STXBP4: variants seen among roughly 807,000 people sequenced by gnomAD.
The protein encoded by STXBP4 is syntaxin binding protein 4.
Under a neutral mutation model 76.1 loss-of-function variants are expected in STXBP4, and 55 were observed. The ratio of observed to expected loss-of-function variants is 0.72; its 90% confidence interval spans 0.58 to 0.91. The LOEUF (loss-of-function observed/expected upper bound fraction) is 0.91, where lower values mean the gene tolerates loss of function less well. STXBP4 is among the 40% of genes least tolerant of loss of function. The probability of loss-of-function intolerance (pLI) is 0.00; values close to 1 mark genes in which losing one functional copy is unlikely to be tolerated. For synonymous variants in STXBP4, 201 were observed against 220.2 expected, an observed-to-expected ratio of 0.91 and a Z score of 0.77; for missense variants, 618 against 636.9, an observed-to-expected ratio of 0.97 and a Z score of 0.32.
chr17:55,088,979 T>C (rs1449125887), intron 16 of STXBP4, among the ~76,000 whole-genome samples: 3 of 152,160 alleles, frequency 2.0e-5, no homozygotes, highest in African/African-American at 4.8e-5. Flanking sequence ...TAAACAATGC[T>C]CCACAGAATC....
intron 1 of STXBP4, among the ~76,000 whole-genome samples, chr17:54,980,008 C>T (rs1207343277): frequency 6.7e-6 from 1 of 148,722 alleles, no homozygotes; most frequent in Non-Finnish European, 1.5e-5. Context: ...AAATCATCTA[C>T]TTATTTGTTT....
At chr17:55,142,122 A>G (rs1274584725) in intron 17 of STXBP4, among the ~76,000 whole-genome samples, 1 of 152,230 alleles carries the variant, frequency 6.6e-6, no homozygotes, top group Admixed American at 6.5e-5. Flanking sequence ...TACTATCTGC[A>G]CTAGACTGTC....
intron 16 of STXBP4, among the ~76,000 whole-genome samples, chr17:55,112,928 C>G (rs1478768652): frequency 6.6e-6 from 1 of 151,926 alleles, no homozygotes; most frequent in Non-Finnish European, 1.5e-5. Flanking sequence ...AAGGGGACAA[C>G]ATGTGAAAAA....
At chr17:55,077,791 A>C (rs1382045520) in intron 13 of STXBP4, among the ~76,000 whole-genome samples, 3 of 151,858 alleles carry the variant, frequency 2.0e-5, no homozygotes, top group Non-Finnish European at 4.4e-5. Flanking sequence ...GGTAAGACAC[A>C]TTGCAAAAAC....
At chr17:54,981,632 C>T (rs906010349) in intron 1 of STXBP4, among the ~76,000 whole-genome samples, 1 of 151,924 alleles carries the variant, frequency 6.6e-6, no homozygotes, top group Non-Finnish European at 1.5e-5. Context: ...TGAGAGAATT[C>T]TTTATAACTT....
At chr17:54,980,906 A>G (rs1179009193) in intron 1 of STXBP4, among the ~76,000 whole-genome samples, 1 of 150,398 alleles carries the variant, frequency 6.6e-6, no homozygotes, top group African/African-American at 2.4e-5. Context: ...CAATTTCGTA[A>G]ACTTTCTTAA....
rs141959646 is a variant in STXBP4, at chr17:54,996,556, G to A, written c.181-2789G>A. 1.1e-3 allele frequency among the ~76,000 whole-genome samples: 164 copies of A among 152,154 alleles called. 3 individuals carry two copies. The East Asian group carries it at 0.024, about 22-fold the overall frequency. ...TCATTCACTTCATCTTATTTAACAC[G>A]TATAATGTGCTATAATTTACATATG... On this transcript the variant is annotated intron_variant, in intron 4 of 17. Coordinates refer to ENST00000376352, the MANE Select transcript of STXBP4 (RefSeq NM_178509.6).
chr17:55,178,880 G>A, the STXBP4 span, among the ~76,000 whole-genome samples: 1 of 152,164 alleles, frequency 6.6e-6, no homozygotes, highest in Non-Finnish European at 1.5e-5. Context: ...ATACTGGGGA[G>A]GAAAATCTGT....
chr17:55,048,335 T>C (rs1211262731), intron 12 of STXBP4, among the ~76,000 whole-genome samples: 1 of 151,864 alleles, frequency 6.6e-6, no homozygotes, highest in Non-Finnish European at 1.5e-5. Context: ...TAGAAGAAAC[T>C]GCACAGAAGA....
intron 17 of STXBP4, among the ~76,000 whole-genome samples, chr17:55,152,394 A>G (rs1398044078): frequency 6.6e-6 from 1 of 152,334 alleles, no homozygotes; most frequent in African/African-American, 2.4e-5. Context: ...AGTACTTTTT[A>G]TTCATGGTCA....
At chr17:55,072,085 G>GT (rs989063999) in intron 12 of STXBP4, among the ~76,000 whole-genome samples, 6 of 152,058 alleles carry the variant, frequency 3.9e-5, no homozygotes, top group Admixed American at 1.3e-4. Context: ...CCTGTATGGG[G>GT]TTTTTTTGTT....
intron 11 of STXBP4, among the ~76,000 whole-genome samples, chr17:55,045,849 C>T (rs998486982): frequency 6.6e-6 from 1 of 151,964 alleles, no homozygotes; most frequent in Admixed American, 6.6e-5. Flanking sequence ...ATAAATATTT[C>T]GTTAAAGGTA....
At chr17:55,008,664 G>T (rs778044087) in intron 8 of STXBP4, among the ~76,000 whole-genome samples, 8 of 152,078 alleles carry the variant, frequency 5.3e-5, no homozygotes, top group Non-Finnish European at 1.2e-4. Flanking sequence ...GTAATAAACT[G>T]GGGGGAGCAT....
chr17:55,057,495 CTCTT>C (rs879779719), intron 12 of STXBP4, among the ~76,000 whole-genome samples: 11 of 152,186 alleles, frequency 7.2e-5, no homozygotes, highest in Non-Finnish European at 1.0e-4. Context: ...ATAAAGCAGC[CTCTT>C]TCTTCTTTGA....
chr17:55,056,719 CTGGCCAAGCCCAG>C (rs2078926851), intron 12 of STXBP4, among the ~76,000 whole-genome samples: 1 of 151,972 alleles, frequency 6.6e-6, no homozygotes, highest in South Asian at 2.1e-4. Flanking sequence ...AACAAAAAAA[CTGGCCAAGCCCAG>C]TGGCTAATGC....
chr17:55,124,630 G>A (rs932527725), intron 16 of STXBP4, among the ~76,000 whole-genome samples: 21 of 152,324 alleles, frequency 1.4e-4, no homozygotes, highest in African/African-American at 4.8e-4. Context: ...TCAGACTGAA[G>A]TAATTCTGTC....
Position 55,043,276 on chromosome 17 carries a change from G to T in STXBP4, c.896G>T (p.Arg299Met). The T allele has an allele frequency of 6.5e-7, 1 of 1,539,180 alleles. No individual in the cohort carries two copies. Among genetic ancestry groups the T allele is most frequent in the Non-Finnish European group, 8.7e-7 (1 of 1,145,446 alleles). Reference protein sequence around the residue: ...CDSSEADEMERLKCERDDALK... With the variant: ...CDSSEADEMEMLKCERDDALK... ...TCTTCAGAAGCAGATGAAATGGAAA[G>T]GCTCAAGTGTGAAAGAGATGATGCC... Residue 299 changes from arginine (R) to methionine (M), a missense_variant, in exon 11 of 18, where the codon AGG (arginine) becomes ATG (methionine). Coordinates refer to ENST00000376352, the MANE Select transcript of STXBP4 (RefSeq NM_178509.6).
intron 16 of STXBP4, among the ~76,000 whole-genome samples, chr17:55,097,154 A>T (rs192596525): frequency 7.7e-6 from 1 of 130,212 alleles, no homozygotes. Flanking sequence ...TGTGTTTCTC[A>T]TTTCTTTTAT....
At chr17:55,053,043 A>C (rs1401901710) in intron 12 of STXBP4, among the ~76,000 whole-genome samples, 1 of 151,630 alleles carries the variant, frequency 6.6e-6, no homozygotes, top group Non-Finnish European at 1.5e-5. Context: ...AGAGACGTGA[A>C]AACTAAATAC....
Sources: allele counts gnomAD v4.1 joint callset (sites outside exome capture counted in the v4.1 genomes callset), GRCh38; gene constraint gnomAD v4.1.1; transcripts MANE v1.5; gene names NCBI Gene and HGNC (gene_info 2026-07-23, HGNC 2026-07-21).